The following MSI2 variants were observed in gnomAD, a reference collection of about 807,000 sequenced individuals.
The protein encoded by MSI2 is RNA-binding protein Musashi homolog 2.
A neutral mutation model predicts 45.6 loss-of-function variants in MSI2; 17 were observed. The observed-to-expected ratio is 0.37, with a 90% CI of 0.26 to 0.56. MSI2 has a LOEUF of 0.56. Among genes scored for constraint, MSI2 ranks in the 20% least tolerant of loss-of-function variants. MSI2 has a pLI of 0.77. For synonymous variants in MSI2, 156 were observed against 158.2 expected (o/e 0.99, Z 0.11); for missense variants, 293 against 444.2 (o/e 0.66, Z 3.06).
chr17:57,450,077 T>C (rs2084969392), intron 6 of MSI2: 1 of 151,936 alleles, frequency 6.6e-6, no homozygotes, highest in African/African-American at 2.4e-5. Flanking sequence ...CTGTAAAAAA[T>C]AGTAAATTAT....
At chr17:57,476,545 C>T (rs2085540932) in intron 6 of MSI2, among the ~76,000 whole-genome samples, 1 of 152,218 alleles carries the variant, frequency 6.6e-6, no homozygotes, top group Non-Finnish European at 1.5e-5. Context: ...AAGTCTGTTT[C>T]TTGCCCACTT....
chr17:57,435,295 C>T (rs753290273), intron 6 of MSI2, among the ~76,000 whole-genome samples: 3 of 151,932 alleles, frequency 2.0e-5, no homozygotes, highest in Admixed American at 6.6e-5. Context: ...GGCCCTGTGA[C>T]GGGACAGAAT....
intron 6 of MSI2, among the ~76,000 whole-genome samples, chr17:57,494,915 C>G (rs1223298602): frequency 6.6e-6 from 1 of 151,736 alleles, no homozygotes; most frequent in African/African-American, 2.4e-5. Context: ...GGATAAACAG[C>G]AAAAATATAC....
At chr17:57,321,064 G>C (rs763814481) in intron 5 of MSI2, among the ~76,000 whole-genome samples, 9 of 151,638 alleles carry the variant, frequency 5.9e-5, no homozygotes, top group African/African-American at 1.5e-4. Context: ...TCCACTGGCT[G>C]TCTTACTCTG....
chr17:57,431,406 G>C (rs1463020303), intron 6 of MSI2, among the ~76,000 whole-genome samples: 1 of 152,230 alleles, frequency 6.6e-6, no homozygotes, highest in Non-Finnish European at 1.5e-5. Flanking sequence ...GAAATGAGCT[G>C]TTTGTGTCCT....
intron 5 of MSI2, among the ~76,000 whole-genome samples, chr17:57,340,368 T>C (rs792403): frequency 0.37 from 55,904 of 152,082 alleles, 13,995 homozygotes; most frequent in African/African-American, 0.72. Flanking sequence ...CCTCCACTTC[T>C]GCATCTGCAG....
At chr17:57,632,578 G>A in intron 10 of MSI2, 1 of 1,066,870 alleles carries the variant, frequency 9.4e-7, no homozygotes, top group Non-Finnish European at 1.1e-6. Context: ...GGAGTAGGAG[G>A]GGGTGGAACA....
At chr17:57,352,066 G>A (rs1041593267) in intron 5 of MSI2, among the ~76,000 whole-genome samples, 13 of 152,234 alleles carry the variant, frequency 8.5e-5, no homozygotes, top group African/African-American at 2.9e-4. Context: ...AGGTACTGGA[G>A]GTACTGGATA....
chr17:57,405,339 C>G (rs1286317164), intron 6 of MSI2, among the ~76,000 whole-genome samples: 1 of 152,166 alleles, frequency 6.6e-6, no homozygotes, highest in South Asian at 2.1e-4. Flanking sequence ...TAGTTGTGTG[C>G]CAATAAAACT....
At chr17:57,617,790 G>A (rs1598457443) in intron 9 of MSI2, among the ~76,000 whole-genome samples, 3 of 152,058 alleles carry the variant, frequency 2.0e-5, no homozygotes, top group Admixed American at 1.3e-4. Context: ...TAAACATTAG[G>A]CTGGGCATGG....
chr17:57,585,233 A>G (rs2144389702), intron 7 of MSI2, among the ~76,000 whole-genome samples: 1 of 152,364 alleles, frequency 6.6e-6, no homozygotes, highest in East Asian at 1.9e-4. Flanking sequence ...AAGCACCATG[A>G]ACATCTGCCT....
intron 7 of MSI2, among the ~76,000 whole-genome samples, chr17:57,561,679 A>G (rs1352184333): frequency 2.0e-5 from 3 of 152,198 alleles, no homozygotes; most frequent in Non-Finnish European, 4.4e-5. Flanking sequence ...ACAGAAAGGT[A>G]GGAAACCCGC....
chr17:57,256,985 C>T, intron 1 of MSI2, 113 bp from the exon 2 acceptor site: 1 of 1,568,358 alleles, frequency 6.4e-7, no homozygotes, highest in East Asian at 2.4e-5. Context: ...CACCCCACCT[C>T]CCGGCTCTCG....
At chr17:57,371,449 C>T (rs1030623281) in intron 5 of MSI2, among the ~76,000 whole-genome samples, 1 of 151,886 alleles carries the variant, frequency 6.6e-6, no homozygotes, top group South Asian at 2.1e-4. Flanking sequence ...CCACTATTTA[C>T]CATTCAGAGA....
chr17:57,534,188 T>G (rs1426247064), intron 7 of MSI2, among the ~76,000 whole-genome samples: 2 of 152,252 alleles, frequency 1.3e-5, no homozygotes, highest in Admixed American at 1.3e-4. Context: ...CTGTCTGACC[T>G]GGAGCTCAGG....
At chr17:57,319,983 G>T (rs117898008) in intron 5 of MSI2, among the ~76,000 whole-genome samples, 30 of 152,080 alleles carry the variant, frequency 2.0e-4, no homozygotes, top group Admixed American at 2.0e-3. Flanking sequence ...ATCCCTTATT[G>T]TTCCTCAAAT....
At chr17:57,590,735 G>A (rs1904751890) in intron 7 of MSI2, among the ~76,000 whole-genome samples, 1 of 152,164 alleles carries the variant, frequency 6.6e-6, no homozygotes, top group South Asian at 2.1e-4. Flanking sequence ...TTAAGGTGGG[G>A]GCTTTAGGAG....
intron 5 of MSI2, among the ~76,000 whole-genome samples, chr17:57,289,261 C>T (rs1367011652): frequency 6.6e-6 from 1 of 152,132 alleles, no homozygotes; most frequent in African/African-American, 2.4e-5. Context: ...CGTTTCCACC[C>T]AGGCCAGCAT....
At chr17:57,560,648 C>T (rs1598400944) in intron 7 of MSI2, among the ~76,000 whole-genome samples, 1 of 152,202 alleles carries the variant, frequency 6.6e-6, no homozygotes, top group East Asian at 1.9e-4. Context: ...GATGGGGTAA[C>T]AGTAACACAT....
Sources: allele counts gnomAD v4.1 joint callset (sites outside exome capture counted in the v4.1 genomes callset), GRCh38; gene constraint gnomAD v4.1.1; transcripts MANE v1.5; gene names NCBI Gene and HGNC (gene_info 2026-07-23, HGNC 2026-07-21).